The following PAX3 variants were observed in gnomAD, a reference collection of about 807,000 sequenced individuals.
PAX3 encodes the protein paired box protein Pax-3.
PAX3 carries 14 observed loss-of-function variants against 51.6 expected under a neutral mutation model. That is an observed-to-expected ratio of 0.27 (90% confidence interval 0.18 to 0.42). PAX3 has a LOEUF of 0.42. PAX3 is among the 10% of genes least tolerant of loss of function. PAX3 has a pLI of 1.00. For missense variants in PAX3, 540 were observed against 642.8 expected, an observed-to-expected ratio of 0.84 and a Z score of 1.73; for synonymous variants, 280 against 253.4, an observed-to-expected ratio of 1.11 and a Z score of -1.00.
rs869129158 is a variant in PAX3, at chr2:222,260,565, G to GT, written c.587-28283dup. On this transcript the variant is annotated intron_variant, in intron 4 of 8. Transcript: ENST00000392070. ...CAAGCAACACAAGTTTTTTTTTTTTGTTTTTTTTTTTTGTTTTTTTTTTTT... is the reference window on the plus strand; with the variant it reads ...CAAGCAACACAAGTTTTTTTTTTTTGTTTTTTTTTTTTTGTTTTTTTTTTTT... 2.6e-3 allele frequency among the ~76,000 whole-genome samples: 145 copies of GT among 55,834 alleles called. 2 individuals are homozygous for GT. Among genetic ancestry groups the GT allele is most frequent in the African/African-American group, 3.3e-3 (54 of 16,372 alleles). 36.6% of individuals were successfully genotyped at this position (55,834 alleles called of 152,430 possible).
chr2:222,202,102 G>T lies in PAX3; in HGVS notation c.1262C>A (p.Pro421His), dbSNP rs1268562297. The change falls in exon 8 of 9, where the codon CCT (proline) becomes CAT (histidine). Residue 421 changes from proline (P) to histidine (H), a missense_variant. Transcript: ENST00000392070. ...ALSPLTGGLE[P>H]TTTVSASCSQ... ...GCAGCTGGCCGACACCGTGGTGGTA[G>T]GTTCCAGACCCCCGGTGAGAGGGGA... 1.2e-6 allele frequency: 2 copies of T among 1,613,954 alleles called. No individual in the cohort carries two copies. Among genetic ancestry groups the T allele is most frequent in the Middle Eastern group, 1.6e-4 (1 of 6,062 alleles).
chr2:222,238,876 A>T (rs143692199), intron 4 of PAX3, among the ~76,000 whole-genome samples: 6 of 152,322 alleles, frequency 3.9e-5, no homozygotes, highest in African/African-American at 1.4e-4. Flanking sequence ...GGTCAACTTG[A>T]AGTTTGATGA....
intron 5 of PAX3, among the ~76,000 whole-genome samples, chr2:222,228,925 A>C (rs1173746626): frequency 1.3e-5 from 2 of 152,118 alleles, no homozygotes; most frequent in Non-Finnish European, 2.9e-5. Context: ...TGGGCAACAA[A>C]GTGAGACTCT....
At chr2:222,232,862 C>G (rs1024138399) in intron 4 of PAX3, 1 of 154,286 alleles carries the variant, frequency 6.5e-6, no homozygotes, top group Non-Finnish European at 1.4e-5. Context: ...TTATAGACTA[C>G]TGCTCTTATA....
chr2:222,286,082 C>T (rs759347964), intron 4 of PAX3, among the ~76,000 whole-genome samples: 2 of 152,218 alleles, frequency 1.3e-5, no homozygotes, highest in Non-Finnish European at 2.9e-5. Context: ...GGGTTACAGG[C>T]GTGTGCCATC....
chr2:222,292,523 C>T (rs1332594402), intron 4 of PAX3, among the ~76,000 whole-genome samples: 1 of 152,208 alleles, frequency 6.6e-6, no homozygotes, highest in African/African-American at 2.4e-5. Flanking sequence ...GCCTGTACTG[C>T]GAGAGAGCAG....
intron 4 of PAX3, among the ~76,000 whole-genome samples, chr2:222,257,951 C>A (rs1693710324): frequency 6.6e-6 from 1 of 152,108 alleles, no homozygotes; most frequent in South Asian, 2.1e-4. Flanking sequence ...GGACGGCAAA[C>A]CCTTCTGGGG....
intron 7 of PAX3, among the ~76,000 whole-genome samples, chr2:222,203,286 C>T (rs929751253): frequency 8.6e-5 from 13 of 151,606 alleles, no homozygotes; most frequent in Admixed American, 4.6e-4. Context: ...AACTGCCACA[C>T]GAGAGAGGAA....
At chr2:222,266,856 C>T (rs969677267) in intron 4 of PAX3, among the ~76,000 whole-genome samples, 1 of 152,198 alleles carries the variant, frequency 6.6e-6, no homozygotes, top group Non-Finnish European at 1.5e-5. Flanking sequence ...TAGGAAGCAG[C>T]TTAGGAAATA....
intron 4 of PAX3, among the ~76,000 whole-genome samples, chr2:222,271,674 C>A (rs946804271): frequency 2.0e-5 from 3 of 152,154 alleles, no homozygotes; most frequent in African/African-American, 7.2e-5. Context: ...ATAACCTAGT[C>A]ATTGAAGCTA....
intron 1 of PAX3, 150 bp from the exon 2 acceptor site, chr2:222,297,363 C>A (rs926615984): frequency 1.4e-6 from 1 of 701,112 alleles, no homozygotes; most frequent in Non-Finnish European, 2.6e-6. Context: ...CTCCCAGACC[C>A]AGACCTCCTT....
At chr2:222,270,507 G>T (rs1192858314) in intron 4 of PAX3, among the ~76,000 whole-genome samples, 1 of 152,118 alleles carries the variant, frequency 6.6e-6, no homozygotes, top group Non-Finnish European at 1.5e-5. Context: ...AAAGAGAGAG[G>T]TTTCCCTTAT....
At chr2:222,231,774 A>G (rs1314305459) in intron 5 of PAX3, among the ~76,000 whole-genome samples, 1 of 152,226 alleles carries the variant, frequency 6.6e-6, no homozygotes, top group Non-Finnish European at 1.5e-5. Flanking sequence ...GCTGGGACAG[A>G]GTAACCACTC....
intron 6 of PAX3, among the ~76,000 whole-genome samples, chr2:222,220,754 A>T (rs1692162950): frequency 6.6e-6 from 1 of 152,250 alleles, no homozygotes; most frequent in East Asian, 1.9e-4. Flanking sequence ...TATAGTTTCA[A>T]ATGCCTGGAA....
intron 3 of PAX3, among the ~76,000 whole-genome samples, chr2:222,295,119 C>G (rs1223748080): frequency 1.3e-5 from 2 of 152,146 alleles, no homozygotes; most frequent in Non-Finnish European, 1.5e-5. Flanking sequence ...AAATCGGGGC[C>G]GTTGTGGAAG....
At chr2:222,276,805 C>T (rs16863644) in intron 4 of PAX3, among the ~76,000 whole-genome samples, 6,139 of 152,296 alleles carry the variant, frequency 0.04, 161 homozygotes, top group Middle Eastern at 0.092. Flanking sequence ...GGATATTTCT[C>T]ATCTTCTTGT....
chr2:222,205,370 C>G (rs1396520269), intron 7 of PAX3, among the ~76,000 whole-genome samples: 1 of 152,086 alleles, frequency 6.6e-6, no homozygotes, highest in Non-Finnish European at 1.5e-5. Context: ...GTGAGGGCAT[C>G]TCCTTTAGCC....
chr2:222,291,276 G>A (rs754982335), intron 4 of PAX3, among the ~76,000 whole-genome samples: 1 of 152,200 alleles, frequency 6.6e-6, no homozygotes, highest in Non-Finnish European at 1.5e-5. Flanking sequence ...CAGGGGCTAG[G>A]GGGATTGGGG....
intron 5 of PAX3, among the ~76,000 whole-genome samples, chr2:222,229,142 A>G (rs1009438241): frequency 5.3e-5 from 8 of 151,626 alleles, no homozygotes; most frequent in African/African-American, 1.9e-4. Flanking sequence ...ATTGTTATAT[A>G]TAATATACTA....
Sources: allele counts gnomAD v4.1 joint callset (sites outside exome capture counted in the v4.1 genomes callset), GRCh38; gene constraint gnomAD v4.1.1; transcripts MANE v1.5; gene names NCBI Gene and HGNC (gene_info 2026-07-23, HGNC 2026-07-21).